ANKH: variants seen among roughly 807,000 people sequenced by gnomAD.
The protein encoded by ANKH is mineralization regulator ANKH.
In ANKH, 15 loss-of-function variants were observed where a neutral mutation model predicts 49.0. The ratio of observed to expected loss-of-function variants is 0.31; its 90% CI spans 0.20 to 0.47. The LOEUF (loss-of-function observed/expected upper bound fraction) is 0.47, where lower values mean the gene tolerates loss of function less well. Ranked by LOEUF, ANKH falls within the 20% of genes least tolerant of loss-of-function variation. The pLI is 1.00. For missense variants in ANKH, 429 were observed against 652.0 expected, an observed-to-expected ratio of 0.66 and a Z score of 3.72; for synonymous variants, 273 against 260.0, an observed-to-expected ratio of 1.05 and a Z score of -0.48.
chr5:14,713,495 T>C lies in ANKH; in HGVS notation c.1265+49A>G, dbSNP rs759152723. 46 of 1,610,892 alleles carry C rather than the reference T, an allele frequency of 2.9e-5. No individual in the cohort carries two copies. The highest frequency in any genetic ancestry group is 3.8e-5 in the Non-Finnish European group (45 of 1,178,258). Reference sequence around the variant, plus strand: ...GTAGCTGTTAAACCTCTGGACACAGTATTGAAGTGGCAGAAGGACCCACAG... The same window carrying C: ...GTAGCTGTTAAACCTCTGGACACAGCATTGAAGTGGCAGAAGGACCCACAG... On this transcript the variant is annotated intron_variant, in intron 10 of 11. Transcript: ENST00000284268. This position sits in a 1 kb window ranked among gnomAD's most constrained non-coding sequence, Gnocchi z 4.4.
chr5:14,863,112 A>C (rs962380997), intron 1 of ANKH, among the ~76,000 whole-genome samples: 1 of 152,188 alleles, frequency 6.6e-6, no homozygotes, highest in African/African-American at 2.4e-5. Flanking sequence ...GAGGAAACTG[A>C]GTCCTTAGTA....
Position 14,710,406 on chromosome 5 carries a change from G to T in ANKH, c.*791C>A, listed in dbSNP as rs1737122251. ...GTCTGGAATCTGGAGATGCGCTTTT[G>T]TGACAATTTAAAAAAGTTAGCTCAT... On this transcript the variant is annotated 3_prime_UTR_variant, in exon 12 of 12. Transcript: ENST00000284268. 1.3e-5 allele frequency: 2 copies of T among 152,268 alleles called. No homozygotes were observed. Among genetic ancestry groups the T allele is most frequent in the African/African-American group, 4.8e-5 (2 of 41,462 alleles). 9.4% of individuals were successfully genotyped at this position (152,268 alleles called of 1,614,324 possible).
intron 7 of ANKH, among the ~76,000 whole-genome samples, chr5:14,743,385 AT>A (rs1738425283): frequency 6.6e-6 from 1 of 152,222 alleles, no homozygotes. Flanking sequence ...GGGCACTGTG[AT>A]TTGCAAAATG....
chr5:14,802,175 C>T (rs982437179), intron 1 of ANKH, among the ~76,000 whole-genome samples: 1 of 152,174 alleles, frequency 6.6e-6, no homozygotes, highest in Non-Finnish European at 1.5e-5. Context: ...GTGCTTCAAT[C>T]TCAGTGCGTT....
intron 9 of ANKH, among the ~76,000 whole-genome samples, chr5:14,715,512 G>A (rs768012602): frequency 4.6e-5 from 7 of 152,156 alleles, no homozygotes; most frequent in Non-Finnish European, 1.0e-4. Context: ...TGGGGAAACC[G>A]ATTTTTGACT....
intron 1 of ANKH, among the ~76,000 whole-genome samples, chr5:14,779,517 T>C (rs1014244349): frequency 6.6e-6 from 1 of 152,210 alleles, no homozygotes; most frequent in Non-Finnish European, 1.5e-5. Flanking sequence ...GTTACCTCCT[T>C]GAGGCAGGGA....
intron 1 of ANKH, among the ~76,000 whole-genome samples, chr5:14,808,932 C>G (rs1483371999): frequency 1.1e-5 from 1 of 92,374 alleles, no homozygotes; most frequent in Non-Finnish European, 2.1e-5. Context: ...TTGGAACCAA[C>G]CCAAATGTCC....
intron 2 of ANKH, among the ~76,000 whole-genome samples, chr5:14,766,874 C>T (rs1561045724): frequency 1.3e-5 from 2 of 152,266 alleles, no homozygotes; most frequent in South Asian, 2.1e-4. Context: ...AATGGCTTTT[C>T]GAGTCAAATA....
intron 1 of ANKH, among the ~76,000 whole-genome samples, chr5:14,832,003 T>G (rs1741520766): frequency 6.6e-6 from 1 of 152,178 alleles, no homozygotes; most frequent in Non-Finnish European, 1.5e-5. Flanking sequence ...AGCAAAATAT[T>G]CAATTCTTGA....
At chr5:14,769,506 A>G (rs976579733) in intron 1 of ANKH, among the ~76,000 whole-genome samples, 7 of 152,200 alleles carry the variant, frequency 4.6e-5, no homozygotes, top group Non-Finnish European at 8.8e-5. Context: ...TTTTTAAAAA[A>G]ACAAAAATGT....
chr5:14,829,607 G>T (rs1741447505), intron 1 of ANKH, among the ~76,000 whole-genome samples: 1 of 152,180 alleles, frequency 6.6e-6, no homozygotes, highest in Non-Finnish European at 1.5e-5. Context: ...CCTGACATAT[G>T]ATCTAGAATT....
chr5:14,810,527 T>G (rs1740847519), intron 1 of ANKH, among the ~76,000 whole-genome samples: 1 of 152,222 alleles, frequency 6.6e-6, no homozygotes, highest in Non-Finnish European at 1.5e-5. Flanking sequence ...TGATCACAAT[T>G]AACTTTCAGT....
intron 1 of ANKH, among the ~76,000 whole-genome samples, chr5:14,809,248 G>A (rs1207055446): frequency 3.1e-5 from 4 of 129,216 alleles, no homozygotes; most frequent in African/African-American, 1.2e-4. Flanking sequence ...TGACACGTTA[G>A]TGGGTGCAGC....
At chr5:14,816,819 A>G (rs1020343507) in intron 1 of ANKH, among the ~76,000 whole-genome samples, 1 of 152,208 alleles carries the variant, frequency 6.6e-6, no homozygotes, top group Non-Finnish European at 1.5e-5. Flanking sequence ...CAGGATGAAC[A>G]CGATGGCAAA....
chr5:14,728,613 G>T (rs183677776), intron 8 of ANKH, among the ~76,000 whole-genome samples: 1 of 152,174 alleles, frequency 6.6e-6, no homozygotes, highest in African/African-American at 2.4e-5. Context: ...TGGTGCCACC[G>T]CTGGAATATG....
At chr5:14,734,278 G>A (rs919851017) in intron 8 of ANKH, among the ~76,000 whole-genome samples, 9 of 150,162 alleles carry the variant, frequency 6.0e-5, no homozygotes, top group African/African-American at 2.0e-4. Context: ...CTTTAAATTA[G>A]CCAATCGGAA....
chr5:14,794,699 T>G (rs961022298), intron 1 of ANKH, among the ~76,000 whole-genome samples: 2 of 152,246 alleles, frequency 1.3e-5, no homozygotes, highest in Non-Finnish European at 2.9e-5. Flanking sequence ...CAGAAGCAGA[T>G]GAGAGAGCTT....
chr5:14,840,602 T>G (rs1741788966), intron 1 of ANKH, among the ~76,000 whole-genome samples: 1 of 152,230 alleles, frequency 6.6e-6, no homozygotes, highest in South Asian at 2.1e-4. Flanking sequence ...GCTGCCTGTT[T>G]CAAGCAAAAG....
At chr5:14,751,030 T>C (rs768075814) in intron 5 of ANKH, 39 bp downstream of exon 5, 4 of 1,607,630 alleles carry the variant, frequency 2.5e-6, no homozygotes, top group Non-Finnish European at 3.4e-6. Context: ...TATTCTACTC[T>C]GAGTCTCAGA....
Sources: allele counts gnomAD v4.1 joint callset (sites outside exome capture counted in the v4.1 genomes callset), GRCh38; gene constraint gnomAD v4.1.1; non-coding constraint Gnocchi (gnomAD v3.1); transcripts MANE v1.5; gene names NCBI Gene and HGNC (gene_info 2026-07-23, HGNC 2026-07-21).